Variants in CDC16 observed in about 807,000 individuals in gnomAD.
The protein encoded by CDC16 is cell division cycle 16, also known as cell division cycle protein 16 homolog.
CDC16 carries 34 observed loss-of-function variants against 87.0 expected under a neutral mutation model. The ratio of observed to expected loss-of-function variants is 0.39; its 90% CI spans 0.30 to 0.52. CDC16 has a LOEUF of 0.52. CDC16 is among the 20% of genes least tolerant of loss of function. The probability of loss-of-function intolerance (pLI) is 0.74; values close to 1 mark genes in which losing one functional copy is unlikely to be tolerated. For missense variants in CDC16, 653 were observed against 751.9 expected (o/e 0.87, Z 1.54); for synonymous variants, 263 against 260.6 (o/e 1.01, Z -0.09).
intron 1 of CDC16, 60 bp from the exon 2 acceptor site, chr13:114,236,585 C>T: frequency 7.3e-7 from 1 of 1,377,354 alleles, no homozygotes. Context: ...TATTAGATAA[C>T]TGTTTAAGAC....
chr13:114,235,184 C>G, intron 1 of CDC16, 52 bp downstream of exon 1: 4 of 1,187,604 alleles, frequency 3.4e-6, no homozygotes, highest in Non-Finnish European at 4.2e-6. Flanking sequence ...GGGTCTTTTT[C>G]CGCGCGGCGT....
chr13:114,249,546 T>C (rs1024734580), intron 11 of CDC16, among the ~76,000 whole-genome samples: 7 of 152,172 alleles, frequency 4.6e-5, no homozygotes, highest in Admixed American at 1.3e-4. Flanking sequence ...TCACCCCCTA[T>C]GTCTTCCACG....
rs373947188 is a variant in CDC16 at position 114,243,950 on chromosome 13, A to G, written c.728A>G (p.Tyr243Cys). ...GTGTCTTTAGCTGAGAGACATTATT[A>G]TAACTGTGATTTTAAAATGTGCTAC... ...VVVSLAERHY[Y>C]NCDFKMCYKL... The change falls in exon 8 of 18, where the codon TAT becomes TGT. Residue 243 changes from tyrosine to cysteine, a missense_variant. Tyr to Cys is a radical substitution (Grantham distance 194). Coordinates refer to ENST00000356221, the MANE Select transcript of CDC16 (RefSeq NM_001078645.3). 1.7e-5 allele frequency: 27 copies of G among 1,606,948 alleles called. No individual in the cohort carries two copies. The African/African-American group carries it at 3.6e-4, about 21-fold the overall frequency.
chr13:114,264,589 A>T lies in CDC16; in HGVS notation c.1513-561A>T, dbSNP rs188925727. Among the ~76,000 whole-genome samples the T allele has an allele frequency of 7.2e-4, 109 of 152,232 alleles. 1 individual carries two copies. Among genetic ancestry groups the T allele is most frequent in the Non-Finnish European group, 1.2e-3 (82 of 68,016 alleles). The stretch of plus-strand genomic sequence containing the variant: ...AAAAGGAAAAAAATACAGAAGGCTC[A>T]GAGAACTCTGTATGGAGATAGAACT... On this transcript the variant is annotated intron_variant, in intron 16 of 17. Coordinates refer to ENST00000356221, the MANE Select transcript of CDC16 (RefSeq NM_001078645.3).
intron 8 of CDC16, 143 bp from the exon 9 acceptor site, chr13:114,244,747 G>A: frequency 2.1e-6 from 1 of 482,804 alleles, no homozygotes; most frequent in East Asian, 3.1e-5. Flanking sequence ...GAATCAACCT[G>A]AAGATAATGG....
rs563517502 is a variant in CDC16 at position 114,250,170 on chromosome 13, C to T, written c.972-379C>T. Among the ~76,000 whole-genome samples the T allele has an allele frequency of 2.0e-5, 3 of 151,884 alleles. No homozygotes were observed. In the East Asian group the frequency reaches 5.8e-4, roughly 30 times the overall value. On this transcript the variant is annotated intron_variant, in intron 11 of 17. Coordinates refer to ENST00000356221, the MANE Select transcript of CDC16 (RefSeq NM_001078645.3). ...ACCACTGCATTCCAGCCTCCAGCGA[C>T]AGAGCAAAACTCTGTCTCTAAAAAT...
chr13:114,252,795 C>T (rs1342750391), intron 12 of CDC16, among the ~76,000 whole-genome samples: 1 of 152,096 alleles, frequency 6.6e-6, no homozygotes, highest in Non-Finnish European at 1.5e-5. Flanking sequence ...TAATTAATGA[C>T]ACAATACCTT....
intron 11 of CDC16, among the ~76,000 whole-genome samples, chr13:114,248,213 A>G (rs1173795107): frequency 6.6e-6 from 1 of 152,210 alleles, no homozygotes; most frequent in Non-Finnish European, 1.5e-5. Context: ...AATTACTTAA[A>G]CTCTGTAAAT....
intron 12 of CDC16, among the ~76,000 whole-genome samples, chr13:114,251,603 C>T (rs1437954666): frequency 6.6e-6 from 1 of 152,202 alleles, no homozygotes; most frequent in Non-Finnish European, 1.5e-5. Flanking sequence ...CCACCTCAGT[C>T]AGTAGTCATA....
At chr13:114,245,470 G>A (rs1027261556) in intron 9 of CDC16, among the ~76,000 whole-genome samples, 6 of 152,132 alleles carry the variant, frequency 3.9e-5, no homozygotes, top group Admixed American at 1.3e-4. Flanking sequence ...AACCCTCACC[G>A]AATCCCTGCT....
At chr13:114,247,957 TC>T (rs550944514) in intron 11 of CDC16, among the ~76,000 whole-genome samples, 1,715 of 152,318 alleles carry the variant, frequency 0.011, 12 homozygotes, top group Non-Finnish European at 0.02. Context: ...TTTCTCTCTT[TC>T]GCTTACAGAG....
At position 114,254,087 on chromosome 13, in the gene CDC16, G is replaced by A. The variant is rs1281200535; in HGVS notation, c.1098-2991G>A. ...AATAATACTTTTTTTTATAAAGTCT[G>A]TTTCATCTGATGTTACTGTAGGCAC... On this transcript the variant is annotated intron_variant, in intron 12 of 17. Coordinates refer to ENST00000356221, the MANE Select transcript of CDC16 (RefSeq NM_001078645.3). 4.0e-5 allele frequency among the ~76,000 whole-genome samples: 6 copies of A among 151,834 alleles called. 1 individual carries two copies. In the South Asian group the frequency reaches 6.2e-4, roughly 16 times the overall value.
intron 16 of CDC16, among the ~76,000 whole-genome samples, chr13:114,264,482 C>T (rs955324427): frequency 2.0e-5 from 3 of 151,992 alleles, no homozygotes; most frequent in Non-Finnish European, 2.9e-5. Context: ...CTTGCTTGAA[C>T]CCGGGAGGCG....
intron 3 of CDC16, among the ~76,000 whole-genome samples, chr13:114,237,326 C>T (rs888017591): frequency 3.3e-5 from 5 of 152,012 alleles, no homozygotes; most frequent in African/African-American, 1.2e-4. Context: ...TGAGGTCTCT[C>T]TGTGTCACCC....
intron 5 of CDC16, among the ~76,000 whole-genome samples, chr13:114,239,777 TCTC>T (rs1430529636): frequency 6.6e-6 from 1 of 152,198 alleles, no homozygotes; most frequent in Non-Finnish European, 1.5e-5. Context: ...TAATTTTTCT[TCTC>T]CTTTCTGTGT....
chr13:114,244,212 A>G (rs1422841456), intron 8 of CDC16, among the ~76,000 whole-genome samples: 3 of 152,240 alleles, frequency 2.0e-5, no homozygotes, highest in East Asian at 1.9e-4. Context: ...AGGGATATAC[A>G]TGTTGCTCTT....
chr13:114,245,312 A>G (rs2081807126), intron 9 of CDC16, among the ~76,000 whole-genome samples: 1 of 142,112 alleles, frequency 7.0e-6, no homozygotes, highest in Non-Finnish European at 1.5e-5. Flanking sequence ...CTGATATGGT[A>G]AGAGTTGATA....
At chr13:114,247,189 C>T (rs1210360096) in intron 11 of CDC16, 185 bp downstream of exon 11, 4 of 574,806 alleles carry the variant, frequency 7.0e-6, no homozygotes, top group Non-Finnish European at 6.2e-6. Context: ...CCTCCCCTCC[C>T]CTCTCTCTCG....
chr13:114,240,062 C>T (rs1203075607), intron 5 of CDC16, among the ~76,000 whole-genome samples: 4 of 151,990 alleles, frequency 2.6e-5, no homozygotes, highest in Non-Finnish European at 5.9e-5. Context: ...CCATGCAGTT[C>T]CCCCATTTAA....
Sources: gnomAD v4.1 joint callset for allele counts (sites outside exome capture counted in the v4.1 genomes callset) on GRCh38, gnomAD v4.1.1 for gene constraint, MANE v1.5 for transcripts, NCBI Gene and HGNC (gene_info 2026-07-23, HGNC 2026-07-21) for gene names.